KANK1: variants seen among roughly 807,000 people sequenced by gnomAD.
KANK1 encodes KN motif and ankyrin repeat domain-containing protein 1.
KANK1 carries 109 observed loss-of-function variants against 106.2 expected under a neutral mutation model. The ratio of observed to expected loss-of-function variants is 1.03; its 90% CI spans 0.88 to 1.20. KANK1 has a LOEUF of 1.20. Among genes scored for constraint, KANK1 ranks in the 50% most tolerant of loss-of-function variants. The pLI is 0.00. For missense variants in KANK1, 2,399 were observed against 1,710.7 expected (o/e 1.40, Z -7.10); for synonymous variants, 873 against 652.2 (o/e 1.34, Z -5.16).
intron 1 of KANK1, among the ~76,000 whole-genome samples, chr9:514,639 A>T (rs1467863836): frequency 2.6e-5 from 4 of 151,658 alleles, no homozygotes; most frequent in African/African-American, 9.8e-5. Context: ...TTATGGGTTC[A>T]TGCTCATTGC....
intron 1 of KANK1, among the ~76,000 whole-genome samples, chr9:638,934 A>C (rs77748455): frequency 0.014 from 2,197 of 152,302 alleles, 56 homozygotes; most frequent in African/African-American, 0.05. Flanking sequence ...TGGCTGAGCA[A>C]GTGGATTTGA....
intron 1 of KANK1, among the ~76,000 whole-genome samples, chr9:516,998 T>TACACACAGACAC (rs2059307311): frequency 1.4e-5 from 2 of 145,478 alleles, no homozygotes; most frequent in Non-Finnish European, 3.0e-5. Flanking sequence ...CATCACCCTC[T>TACACACAGACAC]ACACACACAC....
intron 1 of KANK1, 21 bp downstream of exon 1, chr9:504,775 G>C (rs12341257): frequency 6.8e-6 from 1 of 146,278 alleles, no homozygotes; most frequent in African/African-American, 2.6e-5. Flanking sequence ...CGGCGGGGCC[G>C]TGCCGCGCCC....
At chr9:563,460 G>A (rs902205833) in intron 1 of KANK1, among the ~76,000 whole-genome samples, 2 of 152,024 alleles carry the variant, frequency 1.3e-5, no homozygotes, top group Non-Finnish European at 2.9e-5. Flanking sequence ...ATTTGTGGTG[G>A]GACTTCTCTC....
chr9:579,149 C>G (rs1821358815), intron 1 of KANK1, among the ~76,000 whole-genome samples: 1 of 152,146 alleles, frequency 6.6e-6, no homozygotes, highest in Non-Finnish European at 1.5e-5. Context: ...GGTCTAGTAA[C>G]TGGGGAGGTA....
chr9:739,730 A>G (rs1041937214), intron 8 of KANK1, among the ~76,000 whole-genome samples: 3 of 152,188 alleles, frequency 2.0e-5, no homozygotes, highest in African/African-American at 7.2e-5. Flanking sequence ...AATAATTTTA[A>G]TTCCATTGCT....
chr9:575,094 T>C (rs539912332), intron 1 of KANK1, among the ~76,000 whole-genome samples: 129 of 152,260 alleles, frequency 8.5e-4, no homozygotes, highest in Non-Finnish European at 1.7e-3. Context: ...GCTTGGCAAA[T>C]GAGGAGTCTA....
chr9:616,968 A>T (rs1831990991), intron 1 of KANK1, among the ~76,000 whole-genome samples: 1 of 152,208 alleles, frequency 6.6e-6, no homozygotes, highest in African/African-American at 2.4e-5. Context: ...CTTCCTTAGG[A>T]AGGAGCAGGA....
chr9:581,401 T>G (rs1822118570), intron 1 of KANK1, among the ~76,000 whole-genome samples: 1 of 152,232 alleles, frequency 6.6e-6, no homozygotes, highest in Non-Finnish European at 1.5e-5. Flanking sequence ...TACAAGAGCC[T>G]TCTCGTAAAT....
rs1254678391 is a variant in KANK1, at chr9:731,262, G to A, written c.3001G>A (p.Gly1001Arg). 1.9e-6 allele frequency: 3 copies of A among 1,571,594 alleles called. No homozygotes were observed. The highest frequency in any genetic ancestry group is 2.6e-6 in the Non-Finnish European group (3 of 1,142,464). Residue 1001 changes from glycine (G) to arginine (R), a missense_variant, in exon 5 of 12, where the codon GGA (glycine) becomes AGA (arginine). Physicochemically the swap from Gly to Arg is moderately radical, Grantham distance 125. Coordinates refer to ENST00000382297, the MANE Select transcript of KANK1 (RefSeq NM_015158.5). ...KKNLQFVGIN[G>R]GYETTSSDDS... is the part of the protein sequence containing the mutation. ...GAATCTTCAGTTTGTTGGCATTAAT[G>A]GAGGGTAAGGAAAGATGGTGGTTCT...
chr9:607,702 C>T (rs576353512), intron 1 of KANK1, among the ~76,000 whole-genome samples: 4 of 151,608 alleles, frequency 2.6e-5, no homozygotes, highest in African/African-American at 9.8e-5. Flanking sequence ...GGAAACTTTG[C>T]TGGCAGGGCT....
chr9:574,650 T>C (rs894164542), intron 1 of KANK1, among the ~76,000 whole-genome samples: 14 of 151,056 alleles, frequency 9.3e-5, no homozygotes, highest in Admixed American at 2.0e-4. Context: ...AGGTGAGGAG[T>C]TCAAGACCAG....
chr9:718,670 G>C (rs1279016142), intron 3 of KANK1, among the ~76,000 whole-genome samples: 1 of 152,122 alleles, frequency 6.6e-6, no homozygotes, highest in East Asian at 1.9e-4. Flanking sequence ...CAAATAAATA[G>C]GGTGAGATTA....
intron 1 of KANK1, among the ~76,000 whole-genome samples, chr9:536,055 G>T (rs1200616010): frequency 6.6e-6 from 1 of 152,056 alleles, no homozygotes; most frequent in Non-Finnish European, 1.5e-5. Flanking sequence ...AAAACAGCAC[G>T]TGTGGGGCGC....
intron 3 of KANK1, among the ~76,000 whole-genome samples, chr9:729,801 G>T (rs1589250665): frequency 6.6e-6 from 1 of 152,306 alleles, no homozygotes; most frequent in East Asian, 1.9e-4. Flanking sequence ...TCCATGACTA[G>T]AAACCAAGGC....
intron 3 of KANK1, among the ~76,000 whole-genome samples, chr9:715,977 T>C (rs1827586480): frequency 6.6e-6 from 1 of 152,204 alleles, no homozygotes; most frequent in Admixed American, 6.5e-5. Flanking sequence ...GTGCACACCA[T>C]ACCATAGAGA....
At chr9:519,860 A>G (rs1365359222) in intron 1 of KANK1, among the ~76,000 whole-genome samples, 1 of 151,854 alleles carries the variant, frequency 6.6e-6, no homozygotes, top group African/African-American at 2.4e-5. Flanking sequence ...GCATGCATTT[A>G]TAAGGCAAAA....
rs1176748102 is a variant in KANK1 at position 697,086 on chromosome 9, GTGTGTGTGTGTGTGTGTGTC to G, written c.38-13710_38-13691del. 4.9e-4 allele frequency among the ~76,000 whole-genome samples: 19 copies of G among 38,694 alleles called. 1 individual carries two copies. In the East Asian group the frequency reaches 0.026, roughly 54 times the overall value. The allele number at this position is 38,694 out of a possible 152,430, so 25.4% of individuals were successfully genotyped here. A position where few individuals can be genotyped will look rare whatever the true frequency, so the allele number is the denominator to read the frequency against. The stretch of plus-strand genomic sequence containing the variant: ...CCGTATTTGTTCCATCTGTGTGTGT[GTGTGTGTGTGTGTGTGTGTC>G]TGTGTGTAGAAATGCAGTTGTCATG... On this transcript the variant is annotated intron_variant, in intron 2 of 11. Coordinates refer to ENST00000382297, the MANE Select transcript of KANK1 (RefSeq NM_015158.5).
At chr9:493,862 A>G (rs987488525) in intron 3 of KANK1, among the ~76,000 whole-genome samples, 2 of 149,144 alleles carry the variant, frequency 1.3e-5, no homozygotes, top group Non-Finnish European at 3.0e-5. Flanking sequence ...TTTATGTAGC[A>G]ATAAATACTA....
Sources: gnomAD v4.1 joint callset for allele counts (sites outside exome capture counted in the v4.1 genomes callset) on GRCh38, gnomAD v4.1.1 for gene constraint, MANE v1.5 for transcripts, NCBI Gene and HGNC (gene_info 2026-07-23, HGNC 2026-07-21) for gene names.